Variants in SGCD observed in about 807,000 individuals in gnomAD.
SGCD encodes the protein delta-sarcoglycan.
SGCD carries 18 observed loss-of-function variants against 36.6 expected under a neutral mutation model. That is an observed-to-expected ratio of 0.49 (90% CI 0.34 to 0.73). The LOEUF (loss-of-function observed/expected upper bound fraction) is 0.73. SGCD is among the 30% of genes least tolerant of loss of function. SGCD has a pLI of 0.01. For missense variants in SGCD, 387 were observed against 346.7 expected (o/e 1.12, Z -0.92); for synonymous variants, 133 against 130.6 (o/e 1.02, Z -0.12).
At chr5:156,555,605 T>A (rs2113218344) in intron 4 of SGCD, among the ~76,000 whole-genome samples, 1 of 152,266 alleles carries the variant, frequency 6.6e-6, no homozygotes, top group East Asian at 1.9e-4. Context: ...AGTAACATAG[T>A]GCTTTCATTA....
the SGCD span, among the ~76,000 whole-genome samples, chr5:155,852,303 C>T: frequency 1.3e-5 from 2 of 152,030 alleles, no homozygotes; most frequent in African/African-American, 2.4e-5. Context: ...TAGTTCAATC[C>T]TTTGGAAATT....
intron 1 of SGCD, among the ~76,000 whole-genome samples, chr5:156,072,345 G>A (rs1463458565): frequency 5.3e-5 from 8 of 151,922 alleles, no homozygotes; most frequent in Admixed American, 3.9e-4. Flanking sequence ...TAATCTCTCA[G>A]CATTTGCTTG....
At chr5:156,737,741 T>G (rs527959584) in intron 7 of SGCD, among the ~76,000 whole-genome samples, 1 of 152,294 alleles carries the variant, frequency 6.6e-6, no homozygotes, top group African/African-American at 2.4e-5. Flanking sequence ...GCAGGCAGTA[T>G]ACTTACATTG....
In SGCD at chr5:156,289,579, CT is replaced by C. The variant is rs570170534; in HGVS notation, c.-43-39947del. Among the ~76,000 whole-genome samples the C allele has an allele frequency of 3.2e-4, 49 of 151,786 alleles. 1 individual carries two copies. In the East Asian group the frequency reaches 5.8e-3, roughly 18 times the overall value. On this transcript the variant is annotated intron_variant, in intron 3 of 9. Transcript: ENST00000517913. ...AAGCAACCTCTTTCTATTGCTTCTTCTTTTTTTTATTTTTTTATTTTTATTT... is the reference window on the plus strand; with the variant it reads ...AAGCAACCTCTTTCTATTGCTTCTTCTTTTTTTATTTTTTTATTTTTATTT...
intron 3 of SGCD, among the ~76,000 whole-genome samples, chr5:156,310,558 C>A (rs117146666): frequency 6.6e-6 from 1 of 152,144 alleles, no homozygotes; most frequent in African/African-American, 2.4e-5. Flanking sequence ...TTCAACCCTC[C>A]CCTGGAAATA....
rs558193754 is a variant in SGCD at position 156,155,649 on chromosome 5, C to T, written c.-44+31630C>T. ...AAAAAAAAGAAGCACACAGGATTTA[C>T]TCTGGATAATGTCTGCAGTGTCCAG... is the stretch of plus-strand genomic sequence containing the variant. On this transcript the variant is annotated intron_variant, in intron 3 of 9. Transcript: ENST00000517913. Among the ~76,000 whole-genome samples, 82 of 148,874 alleles carry T rather than the reference C, an allele frequency of 5.5e-4. 3 individuals carry two copies. The highest frequency in any genetic ancestry group is 2.0e-3 in the African/African-American group (79 of 40,160).
chr5:156,247,571 C>G (rs1255237669), intron 3 of SGCD, among the ~76,000 whole-genome samples: 2 of 151,924 alleles, frequency 1.3e-5, no homozygotes, highest in Admixed American at 1.3e-4. Context: ...TGAAAGGATC[C>G]AAGATAGATG....
At chr5:155,935,603 A>G (rs921363064) in intron 1 of SGCD, among the ~76,000 whole-genome samples, 1 of 152,250 alleles carries the variant, frequency 6.6e-6, no homozygotes, top group African/African-American at 2.4e-5. Flanking sequence ...ATTAAGGAGT[A>G]AGGTGAGGAG....
intron 6 of SGCD, among the ~76,000 whole-genome samples, chr5:156,596,502 TATC>T (rs1760931762): frequency 6.6e-6 from 1 of 152,214 alleles, no homozygotes; most frequent in African/African-American, 2.4e-5. Context: ...TGCTAGGTGT[TATC>T]ATCTTAAATT....
At chr5:156,559,725 A>G (rs1759192579) in intron 4 of SGCD, among the ~76,000 whole-genome samples, 1 of 152,168 alleles carries the variant, frequency 6.6e-6, no homozygotes. Context: ...GTTAGGCAAG[A>G]TACTGAATTT....
At chr5:156,204,307 G>A (rs1764218602) in intron 3 of SGCD, among the ~76,000 whole-genome samples, 1 of 152,028 alleles carries the variant, frequency 6.6e-6, no homozygotes, top group Non-Finnish European at 1.5e-5. Context: ...GGTTATGGTG[G>A]TGACTTTGTA....
intron 6 of SGCD, among the ~76,000 whole-genome samples, chr5:156,616,972 A>C (rs2113482036): frequency 1.3e-5 from 2 of 152,292 alleles, no homozygotes; most frequent in Admixed American, 1.3e-4. Flanking sequence ...CTGGCCCTTT[A>C]CAAAAAAAAA....
intron 7 of SGCD, among the ~76,000 whole-genome samples, chr5:156,738,983 C>T (rs1756522568): frequency 6.6e-6 from 1 of 152,090 alleles, no homozygotes; most frequent in South Asian, 2.1e-4. Context: ...ACATTCCCTT[C>T]TAAGAAATTT....
intron 6 of SGCD, among the ~76,000 whole-genome samples, chr5:156,644,487 T>G (rs931549873): frequency 6.6e-6 from 1 of 152,150 alleles, no homozygotes; most frequent in African/African-American, 2.4e-5. Context: ...AGATTTATTT[T>G]CTGGTTATTA....
chr5:156,453,650 G>A (rs1057312477), intron 3 of SGCD, among the ~76,000 whole-genome samples: 3 of 152,124 alleles, frequency 2.0e-5, no homozygotes, highest in African/African-American at 7.2e-5. Flanking sequence ...AGAGACCAAG[G>A]ATGCTGCTAA....
chr5:156,229,393 G>A (rs192971092), intron 3 of SGCD, among the ~76,000 whole-genome samples: 16 of 148,750 alleles, frequency 1.1e-4, no homozygotes, highest in African/African-American at 4.0e-4. Context: ...TTCTTTTTCT[G>A]AAAAAGACCT....
At chr5:156,649,323 A>C (rs7705897) in intron 7 of SGCD, among the ~76,000 whole-genome samples, 134,496 of 151,798 alleles carry the variant, frequency 0.89, 59,675 homozygotes, top group East Asian at 0.99. Flanking sequence ...GGGATCTAGA[A>C]CTGGAAATAC....
rs566552603 is a variant in SGCD at position 156,681,141 on chromosome 5, C to T, written c.575+33605C>T. On this transcript the variant is annotated intron_variant, in intron 7 of 8. Coordinates refer to ENST00000337851, the MANE Select transcript of SGCD (RefSeq NM_000337.6). ...GGATCAGGGTGGCAGCCACTGTCCT[C>T]TCGGCACCCAGGTTCTTGTCCGGCG... Among the ~76,000 whole-genome samples, 94 of 152,328 alleles carry T rather than the reference C, an allele frequency of 6.2e-4. 1 individual carries two copies. The South Asian group carries it at 0.012, about 20-fold the overall frequency.
At chr5:156,733,447 ATT>A (rs1338808386) in intron 7 of SGCD, among the ~76,000 whole-genome samples, 1 of 151,846 alleles carries the variant, frequency 6.6e-6, no homozygotes, top group East Asian at 1.9e-4. Context: ...TGTGTGATCA[ATT>A]TTAGAGTAAC....
Sources: allele counts gnomAD v4.1 joint callset (sites outside exome capture counted in the v4.1 genomes callset), GRCh38; gene constraint gnomAD v4.1.1; transcripts MANE v1.5; gene names NCBI Gene and HGNC (gene_info 2026-07-23, HGNC 2026-07-21).